The following PAFAH2 variants were observed in gnomAD, a reference collection of about 807,000 sequenced individuals.
PAFAH2 encodes platelet-activating factor acetylhydrolase 2, cytoplasmic.
Under a neutral mutation model 49.0 loss-of-function variants are expected in PAFAH2, and 42 were observed. That is an observed-to-expected ratio of 0.86 (90% CI 0.67 to 1.11). The LOEUF (loss-of-function observed/expected upper bound fraction) is 1.11. Ranked by LOEUF, PAFAH2 falls within the 50% of genes least tolerant of loss-of-function variation. PAFAH2 has a pLI of 0.00. For synonymous variants in PAFAH2, 184 were observed against 181.3 expected (o/e 1.01, Z -0.12); for missense variants, 503 against 501.8 (o/e 1.00, Z -0.02).
At chr1:25,970,472 C>T (rs975912137) in intron 10 of PAFAH2, among the ~76,000 whole-genome samples, 8 of 152,074 alleles carry the variant, frequency 5.3e-5, no homozygotes, top group East Asian at 3.9e-4. Flanking sequence ...AGTGAGACTC[C>T]GTCTCAAACA....
chr1:25,966,358 G>T (rs2049422864), intron 10 of PAFAH2, among the ~76,000 whole-genome samples: 1 of 152,122 alleles, frequency 6.6e-6, no homozygotes, highest in Non-Finnish European at 1.5e-5. Context: ...CAAAGATATG[G>T]AATCACCCTA....
chr1:25,968,258 G>A (rs575312978), intron 10 of PAFAH2, among the ~76,000 whole-genome samples: 41 of 152,148 alleles, frequency 2.7e-4, no homozygotes, highest in African/African-American at 9.4e-4. Context: ...ATCTTGTGTT[G>A]GGGGGTTGGC....
At chr1:25,976,559 G>T in intron 8 of PAFAH2, 123 bp downstream of exon 8, 1 of 652,044 alleles carries the variant, frequency 1.5e-6, no homozygotes, top group Non-Finnish European at 2.7e-6. Flanking sequence ...TTGTTTTCTT[G>T]TTTAACCGCT....
intron 10 of PAFAH2, among the ~76,000 whole-genome samples, chr1:25,964,019 G>T (rs1166567370): frequency 6.6e-6 from 1 of 152,204 alleles, no homozygotes; most frequent in Non-Finnish European, 1.5e-5. Context: ...AACAGCAGGG[G>T]AGGAGGCCAG....
Position 25,960,676 on chromosome 1 carries a change from A to G in PAFAH2, c.*1313T>C, listed in dbSNP as rs2049325943. The G allele has an allele frequency of 6.6e-6, 1 of 152,618 alleles. No homozygotes were observed. The highest frequency in any genetic ancestry group is 2.1e-4 in the South Asian group (1 of 4,830). 9.5% of individuals were successfully genotyped at this position (152,618 alleles called of 1,614,324 possible). On this transcript the variant is annotated 3_prime_UTR_variant, in exon 11 of 11. Coordinates refer to ENST00000374282, the MANE Select transcript of PAFAH2 (RefSeq NM_000437.4). ...CTCAGAGCCAGAAAACAGACAATAA[A>G]AGCACCCTGATTCTGAGCAAGTTGG...
intron 10 of PAFAH2, among the ~76,000 whole-genome samples, chr1:25,971,406 T>C (rs777877468): frequency 6.6e-6 from 1 of 151,610 alleles, no homozygotes; most frequent in African/African-American, 2.4e-5. Context: ...GAGCTGAAGA[T>C]GAAAGGATGC....
At chr1:25,985,987 T>C (rs903053041) in intron 4 of PAFAH2, among the ~76,000 whole-genome samples, 2 of 152,240 alleles carry the variant, frequency 1.3e-5, no homozygotes, top group Admixed American at 6.5e-5. Flanking sequence ...TAAATACTTA[T>C]GGCTAAACAA....
Position 25,990,847 on chromosome 1 carries a change from G to A in PAFAH2, c.-31C>T, listed in dbSNP as rs375672316. 1.8e-4 allele frequency: 291 copies of A among 1,582,956 alleles called. 3 individuals are homozygous for A. The highest frequency in any genetic ancestry group is 5.7e-4 in the South Asian group (51 of 90,154). On this transcript the variant is annotated 5_prime_UTR_variant, in exon 2 of 11. Transcript: ENST00000374282. ...CACCGGGTGAATCAAATGACTTGCCGGAGCTGAACTTGCTGGCTGGATGGG... is the reference window on the plus strand; with the variant it reads ...CACCGGGTGAATCAAATGACTTGCCAGAGCTGAACTTGCTGGCTGGATGGG...
At chr1:25,988,073 T>C (rs2245979) in intron 4 of PAFAH2, among the ~76,000 whole-genome samples, 158 bp downstream of exon 4, 121,552 of 152,042 alleles carry the variant, frequency 0.8, 49,313 homozygotes, top group East Asian at 0.92. Context: ...AAAGGCCTTC[T>C]GGGGAAGGTG....
At chr1:25,970,531 G>A (rs2049490747) in intron 10 of PAFAH2, among the ~76,000 whole-genome samples, 1 of 152,144 alleles carries the variant, frequency 6.6e-6, no homozygotes, top group African/African-American at 2.4e-5. Context: ...GTCCAGGATG[G>A]CACCGGTCAG....
At chr1:25,989,634 A>G in intron 2 of PAFAH2, 33 bp from the exon 3 acceptor site, 1 of 1,449,550 alleles carries the variant, frequency 6.9e-7, no homozygotes, top group Non-Finnish European at 9.1e-7. Context: ...TGCTCAGAGC[A>G]AGGAGCCCAG....
At chr1:25,994,966 G>C (rs1280671127) in intron 1 of PAFAH2, among the ~76,000 whole-genome samples, 2 of 152,334 alleles carry the variant, frequency 1.3e-5, no homozygotes, top group South Asian at 2.1e-4. Flanking sequence ...TGTCCAAATA[G>C]GATGGAGAGA....
rs772714016 is a variant in PAFAH2 at position 25,972,710 on chromosome 1, C to T, written c.932G>A (p.Gly311Asp). The T allele has an allele frequency of 1.2e-6, 2 of 1,613,786 alleles. No homozygotes were observed. The highest frequency in any genetic ancestry group is 2.2e-5 in the South Asian group (2 of 91,074). The change falls in exon 10 of 11, where the codon GGT (glycine) becomes GAT (aspartate). Residue 311 changes from glycine to aspartate, a missense_variant and splice_region_variant. By Grantham distance (94) the Gly-to-Asp change is moderately conservative. Coordinates refer to ENST00000374282, the MANE Select transcript of PAFAH2 (RefSeq NM_000437.4). ...GTCAGTTTGACTCCGATGAACAGAACCACTAGGGGAAAAGAAAAACAACTG... is the reference window on the plus strand; with the variant it reads ...GTCAGTTTGACTCCGATGAACAGAATCACTAGGGGAAAAGAAAAACAACTG... Reference protein sequence around the residue: ...HEQSRIITVLGSVHRSQTDFA... With the variant: ...HEQSRIITVLDSVHRSQTDFA...
At chr1:25,973,172 G>A (rs908490598) in intron 9 of PAFAH2, among the ~76,000 whole-genome samples, 1 of 152,176 alleles carries the variant, frequency 6.6e-6, no homozygotes, top group African/African-American at 2.4e-5. Flanking sequence ...AGAGGGAAAA[G>A]GAATTACTTG....
At chr1:25,977,453 C>A (rs1462827976) in intron 7 of PAFAH2, among the ~76,000 whole-genome samples, 1 of 151,268 alleles carries the variant, frequency 6.6e-6, no homozygotes. Context: ...GAGTTTGAGA[C>A]CAGCCAGGGC....
At chr1:25,966,997 A>C (rs1343072170) in intron 10 of PAFAH2, among the ~76,000 whole-genome samples, 1 of 142,990 alleles carries the variant, frequency 7.0e-6, no homozygotes, top group Admixed American at 7.7e-5. Context: ...GCGCCACTGC[A>C]CTCCAGTCTG....
At chr1:25,994,377 T>C (rs924129527) in intron 1 of PAFAH2, among the ~76,000 whole-genome samples, 1 of 152,116 alleles carries the variant, frequency 6.6e-6, no homozygotes, top group Non-Finnish European at 1.5e-5. Context: ...GCGATAATCC[T>C]GCCTTAGCCT....
intron 10 of PAFAH2, chr1:25,964,222 T>C (rs1471735938): frequency 1.3e-5 from 2 of 152,286 alleles, no homozygotes; most frequent in African/African-American, 4.8e-5. Flanking sequence ...GCACATATAC[T>C]AAAACTGGAA....
At chr1:25,970,245 T>C (rs538120425) in intron 10 of PAFAH2, among the ~76,000 whole-genome samples, 37 of 152,142 alleles carry the variant, frequency 2.4e-4, no homozygotes, top group Non-Finnish European at 4.1e-4. Flanking sequence ...GGCAGGTGGA[T>C]CACTGGAGGT....
Sources: allele counts gnomAD v4.1 joint callset (sites outside exome capture counted in the v4.1 genomes callset), GRCh38; gene constraint gnomAD v4.1.1; transcripts MANE v1.5; gene names NCBI Gene and HGNC (gene_info 2026-07-23, HGNC 2026-07-21).